ERBB4: variants seen among roughly 807,000 people sequenced by gnomAD.
ERBB4 encodes the protein receptor tyrosine-protein kinase erbB-4.
A neutral mutation model predicts 158.0 loss-of-function variants in ERBB4; 42 were observed. The ratio of observed to expected loss-of-function variants is 0.27; its 90% CI spans 0.21 to 0.34. The LOEUF is 0.34. Ranked by LOEUF, ERBB4 falls within the 10% of genes least tolerant of loss-of-function variation. The pLI is 1.00. For missense variants in ERBB4, 1,333 were observed against 1,624.1 expected, an observed-to-expected ratio of 0.82 and a Z score of 3.08; for synonymous variants, 583 against 558.7, an observed-to-expected ratio of 1.04 and a Z score of -0.61.
chr2:211,871,169 T>G lies in ERBB4; in HGVS notation c.421+76261A>C, dbSNP rs559263415. 4.1e-4 allele frequency among the ~76,000 whole-genome samples: 62 copies of G among 152,188 alleles called. 1 individual carries two copies. Among genetic ancestry groups the G allele is most frequent in the Admixed American group, 2.7e-3 (41 of 15,282 alleles). On this transcript the variant is annotated intron_variant, in intron 3 of 27. Transcript: ENST00000342788. ...AACATAACACCAGAAAAGAGGATAATACACTGCATACAGAGGTAGAAGATG... is the reference window on the plus strand; with the variant it reads ...AACATAACACCAGAAAAGAGGATAAGACACTGCATACAGAGGTAGAAGATG...
At chr2:211,559,452 C>G (rs1336643713) in intron 20 of ERBB4, among the ~76,000 whole-genome samples, 1 of 152,104 alleles carries the variant, frequency 6.6e-6, no homozygotes, top group African/African-American at 2.4e-5. Context: ...CTTTTCTGTG[C>G]CTGTTGTCCT....
chr2:212,358,114 C>A (rs1275045266), intron 1 of ERBB4, among the ~76,000 whole-genome samples: 3 of 151,832 alleles, frequency 2.0e-5, no homozygotes, highest in African/African-American at 4.8e-5. Context: ...TTTATAACCT[C>A]ATTTCTAAAA....
chr2:212,143,943 C>G (rs747236283), intron 1 of ERBB4, among the ~76,000 whole-genome samples: 2 of 151,654 alleles, frequency 1.3e-5, no homozygotes, highest in Non-Finnish European at 2.9e-5. Context: ...CGCTTGAACC[C>G]AGGTGGCAGA....
At chr2:211,441,339 T>C (rs1448828074) in intron 20 of ERBB4, among the ~76,000 whole-genome samples, 1 of 152,134 alleles carries the variant, frequency 6.6e-6, no homozygotes, top group Non-Finnish European at 1.5e-5. Context: ...TCTTTAATTA[T>C]TAAAACTGTC....
At chr2:212,518,275 CAT>C in intron 1 of ERBB4, among the ~76,000 whole-genome samples, 1 of 152,094 alleles carries the variant, frequency 6.6e-6, no homozygotes, top group Admixed American at 6.6e-5. Flanking sequence ...CCTTAGAAAA[CAT>C]AATTCTAATA....
intron 3 of ERBB4, among the ~76,000 whole-genome samples, chr2:211,797,902 G>A (rs1351486689): frequency 6.6e-6 from 1 of 151,964 alleles, no homozygotes; most frequent in Non-Finnish European, 1.5e-5. Context: ...ATTTTATAAA[G>A]CACTGGTTGT....
chr2:211,818,794 A>G (rs1239289542), intron 3 of ERBB4, among the ~76,000 whole-genome samples: 1 of 152,094 alleles, frequency 6.6e-6, no homozygotes, highest in Non-Finnish European at 1.5e-5. Context: ...AGATTCTGTG[A>G]GGAATGATAT....
At chr2:211,770,408 T>C (rs1377107477) in intron 4 of ERBB4, among the ~76,000 whole-genome samples, 2 of 152,226 alleles carry the variant, frequency 1.3e-5, no homozygotes, top group Non-Finnish European at 1.5e-5. Context: ...TTTTAAAAAA[T>C]GTTAGGAGTT....
intron 3 of ERBB4, among the ~76,000 whole-genome samples, chr2:211,802,114 C>A (rs1395406260): frequency 6.6e-6 from 1 of 152,094 alleles, no homozygotes; most frequent in Non-Finnish European, 1.5e-5. Flanking sequence ...AAAAAATTAG[C>A]CGGGTGCGGT....
intron 25 of ERBB4, among the ~76,000 whole-genome samples, chr2:211,419,529 A>G (rs182805613): frequency 6.6e-6 from 1 of 152,212 alleles, no homozygotes; most frequent in Admixed American, 6.5e-5. Context: ...ATTAAGCATC[A>G]TGTTTATATC....
intron 25 of ERBB4, 123 bp downstream of exon 25, chr2:211,420,318 T>A (rs1030460305): frequency 2.7e-6 from 2 of 751,170 alleles, no homozygotes; most frequent in African/African-American, 3.5e-5. Flanking sequence ...TATGGTATAT[T>A]TTTAATCTAG....
chr2:211,521,183 T>C (rs1037116703), intron 20 of ERBB4, among the ~76,000 whole-genome samples: 9 of 152,132 alleles, frequency 5.9e-5, no homozygotes, highest in Admixed American at 3.9e-4. Context: ...TGAAAGCTAG[T>C]CCCCTTGCAC....
At chr2:212,486,331 T>C (rs1266734720) in intron 1 of ERBB4, among the ~76,000 whole-genome samples, 1 of 147,740 alleles carries the variant, frequency 6.8e-6, no homozygotes, top group African/African-American at 2.5e-5. Flanking sequence ...TGCAAGATTT[T>C]TATTAGAACT....
chr2:212,144,989 G>T (rs1198040190), intron 1 of ERBB4, among the ~76,000 whole-genome samples: 2 of 151,986 alleles, frequency 1.3e-5, no homozygotes, highest in South Asian at 4.2e-4. Flanking sequence ...AACCACTTTG[G>T]GGGAACTAAA....
At chr2:211,390,820 T>C (rs1484846379) in intron 25 of ERBB4, among the ~76,000 whole-genome samples, 1 of 152,226 alleles carries the variant, frequency 6.6e-6, no homozygotes, top group Non-Finnish European at 1.5e-5. Flanking sequence ...TGAATTTTCC[T>C]GTTTTCAGCA....
chr2:212,119,264 C>G (rs1202416588), intron 2 of ERBB4, among the ~76,000 whole-genome samples: 2 of 152,092 alleles, frequency 1.3e-5, no homozygotes, highest in Non-Finnish European at 2.9e-5. Context: ...ACTATATGAT[C>G]TACATTTCAT....
At chr2:211,624,449 T>A (rs191681627) in intron 17 of ERBB4, among the ~76,000 whole-genome samples, 1 of 152,234 alleles carries the variant, frequency 6.6e-6, no homozygotes, top group East Asian at 1.9e-4. Flanking sequence ...GACAGGGCTG[T>A]TAAAACTTTA....
At chr2:212,061,231 C>T (rs540606818) in intron 2 of ERBB4, among the ~76,000 whole-genome samples, 33 of 151,032 alleles carry the variant, frequency 2.2e-4, no homozygotes, top group Non-Finnish European at 3.8e-4. Context: ...CTGAGGTGGG[C>T]GGATCACTTG....
At chr2:211,905,740 G>GTATATATATATATATA (rs1347742717) in intron 3 of ERBB4, among the ~76,000 whole-genome samples, 3 of 95,956 alleles carry the variant, frequency 3.1e-5, no homozygotes, top group African/African-American at 1.0e-4. Context: ...GTGTGCATGT[G>GTATATATATATATATA]TGTGTATATA....
Sources: gnomAD v4.1 joint callset for allele counts (sites outside exome capture counted in the v4.1 genomes callset) on GRCh38, gnomAD v4.1.1 for gene constraint, MANE v1.5 for transcripts, NCBI Gene and HGNC (gene_info 2026-07-23, HGNC 2026-07-21) for gene names.